DCUN1D5: variants seen among roughly 807,000 people sequenced by gnomAD.
The protein encoded by DCUN1D5 is defective in cullin neddylation 1 domain containing 5, also known as DCN1-like protein 5.
In DCUN1D5, 10 loss-of-function variants were observed where a neutral mutation model predicts 38.3. The observed-to-expected ratio is 0.26, with a 90% CI of 0.16 to 0.44. The LOEUF is 0.44. DCUN1D5 is among the 20% of genes least tolerant of loss of function. DCUN1D5 has a pLI of 1.00. For synonymous variants in DCUN1D5, 93 were observed against 90.9 expected (o/e 1.02, Z -0.13); for missense variants, 148 against 275.3 (o/e 0.54, Z 3.27).
rs1366422431 is a variant in DCUN1D5 at position 103,064,842 on chromosome 11, T to C, written c.556-465A>G. On this transcript the variant is annotated intron_variant, in intron 6 of 7. Coordinates refer to ENST00000260247, the MANE Select transcript of DCUN1D5 (RefSeq NM_032299.4). This position sits in a 1 kb window ranked among gnomAD's most constrained non-coding sequence, Gnocchi z 4.5. ...ACCCTTGCCACTTAATTGAGTGATT[T>C]TGGGAAAGTTACTTAAGAATAGAAA... Among the ~76,000 whole-genome samples, 3 of 152,190 alleles carry C rather than the reference T, an allele frequency of 2.0e-5. No individual in the cohort carries two copies. The highest frequency in any genetic ancestry group is 7.2e-5 in the African/African-American group (3 of 41,462).
At position 103,054,628 on chromosome 11, in the gene DCUN1D5, C is replaced by T. The variant is rs147189179; in HGVS notation, c.*7731G>A. On this transcript the variant is annotated 3_prime_UTR_variant, in exon 8 of 8. Transcript: ENST00000260247. ...CACGCTCATATAATAATACCCAGCA[C>T]ATAGTTAATTATTTCCTGAAAAAAT... The T allele has an allele frequency of 1.5e-3, 232 of 152,202 alleles. 2 individuals are homozygous for T. The highest frequency in any genetic ancestry group is 5.4e-3 in the African/African-American group (226 of 41,536). 9.4% of individuals were successfully genotyped at this position (152,202 alleles called of 1,614,324 possible).
In DCUN1D5 at chr11:103,065,984, G is replaced by A. The variant is rs898967280; in HGVS notation, c.555+285C>T. 6.6e-6 allele frequency among the ~76,000 whole-genome samples: 1 copy of A among 151,788 alleles called. No individual in the cohort carries two copies. Among genetic ancestry groups the A allele is most frequent in the East Asian group, 1.9e-4 (1 of 5,172 alleles). On this transcript the variant is annotated intron_variant, in intron 6 of 7. Coordinates refer to ENST00000260247, the MANE Select transcript of DCUN1D5 (RefSeq NM_032299.4). This position sits in a 1 kb window ranked among gnomAD's most constrained non-coding sequence, Gnocchi z 4.6. ...GCATTAACTCTCTTATGAAAACCCC[G>A]AGAAACTAATTCTGCAAGACAAATG...
At position 103,073,498 on chromosome 11, in the gene DCUN1D5, A is replaced by C. The variant is rs768838156; in HGVS notation, c.342-6931T>G. On this transcript the variant is annotated intron_variant, in intron 4 of 7. Transcript: ENST00000260247. This position sits in a 1 kb window ranked among gnomAD's most constrained non-coding sequence, Gnocchi z 4.2. ...CTAAAACAATTTTGAAACAGGATGC[A>C]TAAGTCTACCTGATTTCAAGTCTTA... Among the ~76,000 whole-genome samples the C allele has an allele frequency of 3.9e-5, 6 of 152,250 alleles. No homozygotes were observed. The highest frequency in any genetic ancestry group is 7.2e-5 in the African/African-American group (3 of 41,466).
In DCUN1D5 at chr11:103,078,408, C is replaced by T. The variant is rs1862464420; in HGVS notation, c.341+4340G>A. ...GAAATTCCATAACCTCCTGAGAGCACATCAAATTTTTGTGTCTAGCAGTAC... is the reference window on the plus strand; with the variant it reads ...GAAATTCCATAACCTCCTGAGAGCATATCAAATTTTTGTGTCTAGCAGTAC... On this transcript the variant is annotated intron_variant, in intron 4 of 7. Coordinates refer to ENST00000260247, the MANE Select transcript of DCUN1D5 (RefSeq NM_032299.4). This position sits in a 1 kb window ranked among gnomAD's most constrained non-coding sequence, Gnocchi z 4.6. Among the ~76,000 whole-genome samples, 1 of 152,220 alleles carries T rather than the reference C, an allele frequency of 6.6e-6. No homozygotes were observed. Among genetic ancestry groups the T allele is most frequent in the Non-Finnish European group, 1.5e-5 (1 of 68,040 alleles).
In DCUN1D5 at chr11:103,064,300, A is replaced by G; in HGVS notation, c.633T>C (p.Leu211=). The part of the protein sequence containing the change: ...LEFSRTVHAD[L]SNYDEDGAWP... ...AAGCACCATCTTCATCATAGTTACT[A>G]AGATCAGCATGGACTGTTCTGCTGA... The change falls in exon 7 of 8, where the codon CTT becomes CTC. Residue 211 remains leucine, a synonymous_variant. Coordinates refer to ENST00000260247, the MANE Select transcript of DCUN1D5 (RefSeq NM_032299.4). The surrounding 1 kb of genome is among the most constrained non-coding windows in gnomAD (Gnocchi z 4.5). 6.2e-7 allele frequency: 1 copy of G among 1,610,856 alleles called. No individual in the cohort carries two copies. Among genetic ancestry groups the G allele is most frequent in the East Asian group, 2.2e-5 (1 of 44,648 alleles).
At position 103,062,430 on chromosome 11, in the gene DCUN1D5, C is replaced by T. The variant is rs777924854; in HGVS notation, c.659-16G>A. 1.2e-5 allele frequency: 19 copies of T among 1,609,256 alleles called. No homozygotes were observed. The Admixed American group carries it at 2.4e-4, about 20-fold the overall frequency. ...AGAACAGGCCCTAGAAAAAAAGAAACCATTTTTGTCAGAATTCAGTGAACT... is the reference window on the plus strand; with the variant it reads ...AGAACAGGCCCTAGAAAAAAAGAAATCATTTTTGTCAGAATTCAGTGAACT... On this transcript the variant is annotated splice_polypyrimidine_tract_variant and intron_variant, in intron 7 of 7. Transcript: ENST00000260247. This position sits in a 1 kb window ranked among gnomAD's most constrained non-coding sequence, Gnocchi z 4.6.
chr11:103,090,969 T>C (rs551385165), intron 1 of DCUN1D5, among the ~76,000 whole-genome samples: 1 of 152,192 alleles, frequency 6.6e-6, no homozygotes, highest in East Asian at 1.9e-4. Flanking sequence ...AAAATTGCAG[T>C]TTTTTTGTAG....
In DCUN1D5 at chr11:103,073,819, T is replaced by C. The variant is rs1862338270; in HGVS notation, c.342-7252A>G. Reference sequence around the variant, plus strand: ...CTGAGGCGGGGGCTCATGTCTGTAATCCCAACATTTTTGGAGGCTCAGGCG... The same window carrying C: ...CTGAGGCGGGGGCTCATGTCTGTAACCCCAACATTTTTGGAGGCTCAGGCG... On this transcript the variant is annotated intron_variant, in intron 4 of 7. Transcript: ENST00000260247. This position sits in a 1 kb window ranked among gnomAD's most constrained non-coding sequence, Gnocchi z 4.2. Among the ~76,000 whole-genome samples the C allele has an allele frequency of 6.6e-6, 1 of 152,168 alleles. No individual in the cohort carries two copies. Among genetic ancestry groups the C allele is most frequent in the African/African-American group, 2.4e-5 (1 of 41,432 alleles).
chr11:103,062,644 G>A lies in DCUN1D5; in HGVS notation c.659-230C>T, dbSNP rs1591203205. Among the ~76,000 whole-genome samples, 1 of 152,034 alleles carries A rather than the reference G, an allele frequency of 6.6e-6. No individual in the cohort carries two copies. Among genetic ancestry groups the A allele is most frequent in the African/African-American group, 2.4e-5 (1 of 41,402 alleles). On this transcript the variant is annotated intron_variant, in intron 7 of 7. Coordinates refer to ENST00000260247, the MANE Select transcript of DCUN1D5 (RefSeq NM_032299.4). This position sits in a 1 kb window ranked among gnomAD's most constrained non-coding sequence, Gnocchi z 4.6. Reference sequence around the variant, plus strand: ...TCTATAGCAACTTCCTTCTCAAGGTGTTTCATGAACCCTCCAGTAACTGAG... The same window carrying A: ...TCTATAGCAACTTCCTTCTCAAGGTATTTCATGAACCCTCCAGTAACTGAG...
At position 103,063,344 on chromosome 11, in the gene DCUN1D5, T is replaced by G. The variant is rs116655956; in HGVS notation, c.659-930A>C. 0.027 allele frequency among the ~76,000 whole-genome samples: 4,096 copies of G among 152,192 alleles called. 213 individuals are homozygous for G. The highest frequency in any genetic ancestry group is 0.094 in the African/African-American group (3,886 of 41,516). ...ATTTTAATACAAAATCTCCTAGTTT[T>G]AAATGCTGATACAAAATACATAAAT... On this transcript the variant is annotated intron_variant, in intron 7 of 7. Transcript: ENST00000260247. The surrounding 1 kb of genome is among the most constrained non-coding windows in gnomAD (Gnocchi z 4.6).
At chr11:103,081,884 A>T (rs1306844136) in intron 4 of DCUN1D5, among the ~76,000 whole-genome samples, 1 of 151,852 alleles carries the variant, frequency 6.6e-6, no homozygotes, top group East Asian at 1.9e-4. Context: ...CAAATACTTT[A>T]AAAAAAAATT....
rs1455152383 is a variant in DCUN1D5 at position 103,087,962 on chromosome 11, A to C, written c.178+1265T>G. Among the ~76,000 whole-genome samples, 1 of 152,202 alleles carries C rather than the reference A, an allele frequency of 6.6e-6. No individual in the cohort carries two copies. Among genetic ancestry groups the C allele is most frequent in the East Asian group, 1.9e-4 (1 of 5,200 alleles). ...TTTGGGATAATGGGTCAACATTTTAAATGGAGGTCAGTAAGAAATGAATTC... is the reference window on the plus strand; with the variant it reads ...TTTGGGATAATGGGTCAACATTTTACATGGAGGTCAGTAAGAAATGAATTC... On this transcript the variant is annotated intron_variant, in intron 2 of 7. Transcript: ENST00000260247. This position sits in a 1 kb window ranked among gnomAD's most constrained non-coding sequence, Gnocchi z 4.1.
rs1862095932 is a variant in DCUN1D5 at position 103,064,846 on chromosome 11, G to A, written c.556-469C>T. ...TTGCCACTTAATTGAGTGATTTTGG[G>A]AAAGTTACTTAAGAATAGAAACCAC... On this transcript the variant is annotated intron_variant, in intron 6 of 7. Coordinates refer to ENST00000260247, the MANE Select transcript of DCUN1D5 (RefSeq NM_032299.4). The surrounding 1 kb of genome is among the most constrained non-coding windows in gnomAD (Gnocchi z 4.5). Among the ~76,000 whole-genome samples the A allele has an allele frequency of 1.3e-5, 2 of 152,250 alleles. No homozygotes were observed. Among genetic ancestry groups the A allele is most frequent in the Middle Eastern group, 3.4e-3 (1 of 294 alleles).
intron 4 of DCUN1D5, among the ~76,000 whole-genome samples, chr11:103,075,961 C>T (rs571556697): frequency 1.3e-5 from 2 of 152,212 alleles, no homozygotes; most frequent in Admixed American, 6.5e-5. Context: ...TTGACTTCTA[C>T]CATGGGGATA....
chr11:103,062,989 T>C lies in DCUN1D5; in HGVS notation c.659-575A>G, dbSNP rs1047751079. ...AAGTAGGCAGTTTAAATGAGCTCAG[T>C]GTTTATTTTGTTTAAATGTAGGAAA... On this transcript the variant is annotated intron_variant, in intron 7 of 7. Transcript: ENST00000260247. This position sits in a 1 kb window ranked among gnomAD's most constrained non-coding sequence, Gnocchi z 4.6. Among the ~76,000 whole-genome samples, 1 of 152,124 alleles carries C rather than the reference T, an allele frequency of 6.6e-6. No individual in the cohort carries two copies. Among genetic ancestry groups the C allele is most frequent in the African/African-American group, 2.4e-5 (1 of 41,440 alleles).
chr11:103,075,032 T>G (rs1339824301), intron 4 of DCUN1D5, among the ~76,000 whole-genome samples: 1 of 152,184 alleles, frequency 6.6e-6, no homozygotes, highest in Non-Finnish European at 1.5e-5. Context: ...GATAGTGAAT[T>G]CCAGCCCCAA....
chr11:103,091,935 G>C lies in DCUN1D5; in HGVS notation c.-63C>G. On this transcript the variant is annotated 5_prime_UTR_variant, in exon 1 of 8. Transcript: ENST00000260247. This position sits in a 1 kb window ranked among gnomAD's most constrained non-coding sequence, Gnocchi z 4.3. The stretch of plus-strand genomic sequence containing the variant: ...GGAAGGGGGTCCCTGTCCGCTGGAA[G>C]CCCCTCAGCGCTGGCACCCAGTTCC... The C allele has an allele frequency of 2.7e-6, 4 of 1,465,118 alleles. No homozygotes were observed. In the South Asian group the frequency reaches 5.0e-5, roughly 18 times the overall value. The allele number at this position is 1,465,118 out of a possible 1,614,324, so 90.8% of individuals were successfully genotyped here.
At position 103,088,242 on chromosome 11, in the gene DCUN1D5, A is replaced by G. The variant is rs564498818; in HGVS notation, c.178+985T>C. Among the ~76,000 whole-genome samples the G allele has an allele frequency of 6.6e-5, 10 of 152,306 alleles. No homozygotes were observed. In the East Asian group the frequency reaches 1.9e-3, roughly 29 times the overall value. Reference sequence around the variant, plus strand: ...GTGGATGAGCACTAAATATAAGGCAATAGCTACATATACACTTCCATTTTA... The same window carrying G: ...GTGGATGAGCACTAAATATAAGGCAGTAGCTACATATACACTTCCATTTTA... On this transcript the variant is annotated intron_variant, in intron 2 of 7. Transcript: ENST00000260247.
intron 4 of DCUN1D5, among the ~76,000 whole-genome samples, chr11:103,076,705 A>C (rs1219825394): frequency 2.6e-5 from 4 of 152,334 alleles, no homozygotes; most frequent in Admixed American, 2.0e-4. Context: ...GGTAACAATA[A>C]TAATTTCATA....
Sources: allele counts gnomAD v4.1 joint callset (sites outside exome capture counted in the v4.1 genomes callset), GRCh38; gene constraint gnomAD v4.1.1; non-coding constraint Gnocchi (gnomAD v3.1); transcripts MANE v1.5; gene names NCBI Gene and HGNC (gene_info 2026-07-23, HGNC 2026-07-21).